The following TSPAN9 variants were observed in gnomAD, a reference collection of about 807,000 sequenced individuals.
TSPAN9 encodes tetraspanin 9.
Under a neutral mutation model 31.0 loss-of-function variants are expected in TSPAN9, and 16 were observed. The observed-to-expected ratio is 0.52, with a 90% CI of 0.35 to 0.78. TSPAN9 has a LOEUF of 0.78. TSPAN9 is among the 30% of genes least tolerant of loss of function. The pLI is 0.01. For missense variants in TSPAN9, 272 were observed against 312.5 expected (o/e 0.87, Z 0.98); for synonymous variants, 145 against 121.6 (o/e 1.19, Z -1.27).
chr12:3,218,890 C>T (rs1269771740), intron 3 of TSPAN9, among the ~76,000 whole-genome samples: 10 of 152,170 alleles, frequency 6.6e-5, no homozygotes, highest in Admixed American at 5.2e-4. Context: ...GCAATCCATC[C>T]TCTGGAATAT....
intron 3 of TSPAN9, among the ~76,000 whole-genome samples, chr12:3,277,451 C>T (rs1862808622): frequency 6.6e-6 from 1 of 152,248 alleles, no homozygotes; most frequent in African/African-American, 2.4e-5. Flanking sequence ...TGCTCCCATC[C>T]AGCCAGAACA....
intron 3 of TSPAN9, among the ~76,000 whole-genome samples, chr12:3,214,734 T>C (rs961882887): frequency 1.3e-5 from 2 of 151,290 alleles, no homozygotes; most frequent in Non-Finnish European, 2.9e-5. Context: ...GCTGCCGTAT[T>C]AAGCACCCTG....
chr12:3,195,919 C>T (rs1285211750), intron 2 of TSPAN9, among the ~76,000 whole-genome samples: 4 of 152,326 alleles, frequency 2.6e-5, no homozygotes, highest in Middle Eastern at 3.4e-3. Flanking sequence ...AGGGACAGCT[C>T]GGTGCCCATC....
chr12:3,174,643 C>T (rs186086122), intron 2 of TSPAN9, among the ~76,000 whole-genome samples: 3,162 of 152,214 alleles, frequency 0.021, 109 homozygotes, highest in African/African-American at 0.071. Context: ...AGGGCAGTGG[C>T]GCGATCTCCG....
At chr12:3,206,477 A>T (rs2098375259) in intron 3 of TSPAN9, 2 of 393,166 alleles carry the variant, frequency 5.1e-6, no homozygotes, top group African/African-American at 4.1e-5. Context: ...TGGTGGCCTG[A>T]CTTGTCCTTT....
chr12:3,155,685 C>A (rs369679417), intron 2 of TSPAN9, among the ~76,000 whole-genome samples: 1 of 152,020 alleles, frequency 6.6e-6, no homozygotes, highest in East Asian at 1.9e-4. Context: ...GAGTGAGAGA[C>A]GGCTTGAAGC....
At chr12:3,279,820 T>G (rs191438969) in intron 5 of TSPAN9, among the ~76,000 whole-genome samples, 326 of 152,352 alleles carry the variant, frequency 2.1e-3, no homozygotes, top group Non-Finnish European at 2.4e-3. Flanking sequence ...TTGAGAGATT[T>G]CTCTGTGCCA....
chr12:3,281,386 C>T lies in TSPAN9; in HGVS notation c.564+57C>T, dbSNP rs539761828. The T allele has an allele frequency of 3.5e-4, 528 of 1,510,166 alleles. 2 individuals are homozygous for T. The highest frequency in any genetic ancestry group is 1.4e-3 in the African/African-American group (97 of 71,638). The allele number at this position is 1,510,166 out of a possible 1,614,324, so 93.5% of individuals were successfully genotyped here. On this transcript the variant is annotated intron_variant, in intron 7 of 8. Coordinates refer to ENST00000011898, the MANE Select transcript of TSPAN9 (RefSeq NM_006675.5). ...GAGCCCGTGTGTGGATGCCCCGGCA[C>T]GGGGAGCCCTATAGGGGAGGCTGGG...
intron 2 of TSPAN9, among the ~76,000 whole-genome samples, chr12:3,175,771 T>A (rs1453854554): frequency 6.6e-6 from 1 of 152,168 alleles, no homozygotes; most frequent in Non-Finnish European, 1.5e-5. Context: ...TGGCTGGGTG[T>A]GGGACCGGCA....
At chr12:3,209,637 G>A (rs981813668) in intron 3 of TSPAN9, among the ~76,000 whole-genome samples, 2 of 152,128 alleles carry the variant, frequency 1.3e-5, no homozygotes, top group African/African-American at 2.4e-5. Flanking sequence ...GTGCTGGGAT[G>A]TTCTGGCAAT....
At chr12:3,173,303 G>C (rs2098353139) in intron 2 of TSPAN9, 1 of 152,326 alleles carries the variant, frequency 6.6e-6, no homozygotes, top group South Asian at 2.1e-4. Flanking sequence ...GTGCTTTCTT[G>C]ATTCTGCCAC....
intron 3 of TSPAN9, among the ~76,000 whole-genome samples, chr12:3,252,166 T>C (rs866784620): frequency 4.6e-5 from 7 of 152,222 alleles, no homozygotes; most frequent in Non-Finnish European, 8.8e-5. Flanking sequence ...TGTTCAGAGT[T>C]GCCGTGTCCC....
chr12:3,099,942 T>C (rs1206962566), intron 2 of TSPAN9, among the ~76,000 whole-genome samples: 3 of 150,946 alleles, frequency 2.0e-5, no homozygotes, highest in Non-Finnish European at 4.4e-5. Context: ...CCCGGGTTCA[T>C]GCCATTCTCC....
At chr12:3,241,773 G>T (rs1159397260) in intron 3 of TSPAN9, among the ~76,000 whole-genome samples, 1 of 152,216 alleles carries the variant, frequency 6.6e-6, no homozygotes, top group Non-Finnish European at 1.5e-5. Flanking sequence ...AGGCGGCTGG[G>T]CACAGCGAGC....
chr12:3,183,348 C>T (rs1283465220), intron 2 of TSPAN9, among the ~76,000 whole-genome samples: 1 of 152,210 alleles, frequency 6.6e-6, no homozygotes, highest in African/African-American at 2.4e-5. Context: ...TTCTCCGCAG[C>T]TGGCGTGACT....
At chr12:3,219,258 A>G (rs946311513) in intron 3 of TSPAN9, among the ~76,000 whole-genome samples, 14 of 152,210 alleles carry the variant, frequency 9.2e-5, no homozygotes, top group South Asian at 2.1e-4. Context: ...TTTTGTGAAC[A>G]ATGACAGTGA....
chr12:3,125,401 G>A (rs183364146), intron 2 of TSPAN9, among the ~76,000 whole-genome samples: 1 of 152,182 alleles, frequency 6.6e-6, no homozygotes, highest in Non-Finnish European at 1.5e-5. Flanking sequence ...TGGGAGATGA[G>A]GCCTCTGCAT....
chr12:3,113,510 T>C (rs2098320310), intron 2 of TSPAN9, among the ~76,000 whole-genome samples: 1 of 152,200 alleles, frequency 6.6e-6, no homozygotes, highest in South Asian at 2.1e-4. Context: ...CTGTACTATA[T>C]TGGGTAAATA....
chr12:3,087,763 C>G (rs530652210), intron 2 of TSPAN9, among the ~76,000 whole-genome samples: 2 of 152,198 alleles, frequency 1.3e-5, no homozygotes, highest in South Asian at 4.2e-4. Flanking sequence ...CCAATATTGG[C>G]CACTGCACTC....
Sources: gnomAD v4.1 joint callset for allele counts (sites outside exome capture counted in the v4.1 genomes callset) on GRCh38, gnomAD v4.1.1 for gene constraint, MANE v1.5 for transcripts, NCBI Gene and HGNC (gene_info 2026-07-23, HGNC 2026-07-21) for gene names.